Variants in VCL observed in about 807,000 individuals in gnomAD.
The protein encoded by VCL is epididymis luminal protein 114.
In VCL, 47 loss-of-function variants were observed where a neutral mutation model predicts 125.7. The observed-to-expected ratio is 0.37, with a 90% CI of 0.30 to 0.48. The LOEUF is 0.48. Ranked by LOEUF, VCL falls within the 20% of genes least tolerant of loss-of-function variation. The pLI, the probability that VCL is intolerant of heterozygous loss-of-function variation, is 0.99. For synonymous variants in VCL, 458 were observed against 514.6 expected, an observed-to-expected ratio of 0.89 and a Z score of 1.49; for missense variants, 1,069 against 1,455.5, an observed-to-expected ratio of 0.73 and a Z score of 4.32.
chr10:74,107,998 A>G (rs1294852553), intron 17 of VCL, among the ~76,000 whole-genome samples: 1 of 152,220 alleles, frequency 6.6e-6, no homozygotes, highest in Non-Finnish European at 1.5e-5. Context: ...TATTAGAAAT[A>G]CCTTGACTTT....
intron 9 of VCL, among the ~76,000 whole-genome samples, chr10:74,089,676 G>A (rs1839846006): frequency 6.6e-6 from 1 of 152,176 alleles, no homozygotes; most frequent in African/African-American, 2.4e-5. Context: ...TCATTGTAAT[G>A]TTTAGGGGTT....
intron 9 of VCL, among the ~76,000 whole-genome samples, 198 bp from the exon 10 acceptor site, chr10:74,089,825 G>A (rs772697548): frequency 2.6e-5 from 4 of 152,042 alleles, no homozygotes; most frequent in African/African-American, 7.2e-5. Context: ...TATGCTAATG[G>A]GTGTAAAAAA....
chr10:74,045,622 C>CAAA (rs71482565), intron 2 of VCL, among the ~76,000 whole-genome samples: 2 of 93,100 alleles, frequency 2.1e-5, no homozygotes, highest in Non-Finnish European at 3.9e-5. Context: ...GACTCTGTCT[C>CAAA]AAAAAAAAAA....
chr10:74,058,070 A>G (rs1440459022), intron 2 of VCL, among the ~76,000 whole-genome samples: 1 of 152,188 alleles, frequency 6.6e-6, no homozygotes, highest in Non-Finnish European at 1.5e-5. Context: ...CCCTGACAGG[A>G]TGGGAAGGGA....
rs555590117 is a variant in VCL at position 74,054,376 on chromosome 10, T to C, written c.239+11223T>C. ...AATTCTGTTAATTATTTGTTGCTAA[T>C]TATCTTTTTTTAGAATGACTGTTGA... On this transcript the variant is annotated intron_variant, in intron 2 of 21. Transcript: ENST00000211998. 5.9e-5 allele frequency among the ~76,000 whole-genome samples: 9 copies of C among 152,348 alleles called. No individual in the cohort carries two copies. The South Asian group carries it at 1.9e-3, about 32-fold the overall frequency.
At position 74,119,785 on chromosome 10, in the gene VCL, A is replaced by G. The variant is rs1840377769; in HGVS notation, c.*1616A>G. 6.6e-6 allele frequency: 1 copy of G among 152,634 alleles called. No homozygotes were observed. The highest frequency in any genetic ancestry group is 2.1e-4 in the South Asian group (1 of 4,832). 9.5% of individuals were successfully genotyped at this position (152,634 alleles called of 1,614,324 possible). A position where few individuals can be genotyped will look rare whatever the true frequency, so the allele number is the denominator to read the frequency against. On this transcript the variant is annotated 3_prime_UTR_variant, in exon 22 of 22. Coordinates refer to ENST00000211998, the MANE Select transcript of VCL (RefSeq NM_014000.3). ...GATGATTATTTTCAAGGCCCTCAGC[A>G]TATTTGTATAGTTGCTTGCCTGATA... is the stretch of plus-strand genomic sequence containing the variant.
Position 74,105,292 on chromosome 10 carries a change from C to T in VCL, c.2373C>T (p.Ser791=). The part of the protein sequence containing the change: ...EAVKAASDEL[S]KTISPMVMDA... ...TGAAAGCTGCCTCTGATGAATTGAG[C>T]AAAACCATCTCCCCGATGGTGATGG... The change falls in exon 16 of 22, where the codon AGC becomes AGT. Residue 791 remains serine (S), a synonymous_variant. Transcript: ENST00000211998. 1 of 1,613,550 alleles carries T rather than the reference C, an allele frequency of 6.2e-7. No homozygotes were observed. The highest frequency in any genetic ancestry group is 8.5e-7 in the Non-Finnish European group (1 of 1,180,034).
At chr10:74,050,061 T>C (rs548761991) in intron 2 of VCL, among the ~76,000 whole-genome samples, 175 of 152,348 alleles carry the variant, frequency 1.1e-3, no homozygotes, top group Middle Eastern at 0.01. Context: ...TGTTCAGAAC[T>C]GAATGGATCA....
rs571543011 is a variant in VCL at position 74,009,495 on chromosome 10, G to A, written c.168+11120G>A. Among the ~76,000 whole-genome samples the A allele has an allele frequency of 2.9e-3, 434 of 152,028 alleles. 1 individual carries two copies. The highest frequency in any genetic ancestry group is 9.8e-3 in the African/African-American group (405 of 41,440). The stretch of plus-strand genomic sequence containing the variant: ...AGGATGGTCTCGATCTGCTGACCTC[G>A]TGATCTGCCTGCCTCAGCCTCCCAA... On this transcript the variant is annotated intron_variant, in intron 1 of 21. Transcript: ENST00000211998.
At chr10:74,000,843 G>A (rs1840212890) in intron 1 of VCL, among the ~76,000 whole-genome samples, 1 of 152,198 alleles carries the variant, frequency 6.6e-6, no homozygotes, top group Non-Finnish European at 1.5e-5. Context: ...ATGATATGTA[G>A]TTAAGTTATA....
At chr10:74,117,949 C>T in intron 21 of VCL, 74 bp from the exon 22 acceptor site, 1 of 1,607,660 alleles carries the variant, frequency 6.2e-7, no homozygotes, top group East Asian at 2.2e-5. Flanking sequence ...CATCCCACTC[C>T]TGGCTGAAAC....
chr10:74,110,692 T>C (rs1037130878), intron 18 of VCL, among the ~76,000 whole-genome samples: 8 of 152,194 alleles, frequency 5.3e-5, no homozygotes, highest in Non-Finnish European at 1.2e-4. Context: ...TCAGGTTTCA[T>C]GTGCAGGTTA....
At position 74,101,159 on chromosome 10, in the gene VCL, C is replaced by A. The variant is rs1840048221; in HGVS notation, c.2022+62C>A. On this transcript the variant is annotated intron_variant, in intron 14 of 21. Coordinates refer to ENST00000211998, the MANE Select transcript of VCL (RefSeq NM_014000.3). ...AAGAAAGTTAATTACAGAACAGTTT[C>A]TATACATTTTTGAATACTTACCGTA... The A allele has an allele frequency of 2.5e-6, 4 of 1,572,940 alleles. No homozygotes were observed. The Admixed American group carries it at 7.4e-5, about 29-fold the overall frequency.
chr10:74,107,802 T>C (rs755229405), intron 17 of VCL, among the ~76,000 whole-genome samples: 1 of 152,144 alleles, frequency 6.6e-6, no homozygotes, highest in Non-Finnish European at 1.5e-5. Context: ...ACAAGATACA[T>C]GCTTTTAAAA....
chr10:74,073,178 A>T (rs886505445), intron 5 of VCL, among the ~76,000 whole-genome samples: 1 of 152,064 alleles, frequency 6.6e-6, no homozygotes, highest in African/African-American at 2.4e-5. Context: ...TGACCTCGTG[A>T]TCTGCCTGCC....
Position 74,091,791 on chromosome 10 carries a change from C to CAAAAAAAA in VCL, c.1352+1609_1352+1616dup, listed in dbSNP as rs545539526. On this transcript the variant is annotated intron_variant, in intron 10 of 21. Transcript: ENST00000211998. Reference sequence around the variant, plus strand: ...GTGACAGAGTGAGACTCTGTCTCAGCAAAAAAAAAAAAAAAAAAAAAAAGA... The same window carrying CAAAAAAAA: ...GTGACAGAGTGAGACTCTGTCTCAGCAAAAAAAAAAAAAAAAAAAAAAAAAAAAAAAGA... Among the ~76,000 whole-genome samples the CAAAAAAAA allele has an allele frequency of 1.2e-3, 75 of 61,060 alleles. 1 individual carries two copies. The highest frequency in any genetic ancestry group is 3.6e-3 in the South Asian group (3 of 824). 40.1% of individuals were successfully genotyped at this position (61,060 alleles called of 152,430 possible).
chr10:74,078,422 TA>T (rs144857138), intron 6 of VCL, among the ~76,000 whole-genome samples: 1 of 152,044 alleles, frequency 6.6e-6, no homozygotes, highest in Admixed American at 6.6e-5. Flanking sequence ...TTTGTTAAAT[TA>T]AAAAAAGGTC....
intron 1 of VCL, among the ~76,000 whole-genome samples, chr10:74,022,864 C>T (rs1402785157): frequency 1.3e-5 from 2 of 152,054 alleles, no homozygotes; most frequent in African/African-American, 2.4e-5. Context: ...TGGTCTTAAA[C>T]TCCTGACCCC....
chr10:74,013,714 A>G (rs912406417), intron 1 of VCL, among the ~76,000 whole-genome samples: 6 of 152,202 alleles, frequency 3.9e-5, no homozygotes, highest in Middle Eastern at 3.2e-3. Flanking sequence ...TATGTAAAAC[A>G]AAGGTAAAGA....
Sources: gnomAD v4.1 joint callset for allele counts (sites outside exome capture counted in the v4.1 genomes callset) on GRCh38, gnomAD v4.1.1 for gene constraint, MANE v1.5 for transcripts, NCBI Gene and HGNC (gene_info 2026-07-23, HGNC 2026-07-21) for gene names.